KCNH1: variants seen among roughly 807,000 people sequenced by gnomAD.
KCNH1 encodes the protein voltage-gated delayed rectifier potassium channel KCNH1.
In KCNH1, 27 loss-of-function variants were observed where a neutral mutation model predicts 69.2. The observed-to-expected ratio is 0.39, with a 90% CI of 0.29 to 0.54. The LOEUF (loss-of-function observed/expected upper bound fraction) is 0.54. Ranked by LOEUF, KCNH1 falls within the 20% of genes least tolerant of loss-of-function variation. The probability of loss-of-function intolerance (pLI) is 0.68; values close to 1 mark genes in which losing one functional copy is unlikely to be tolerated. For missense variants in KCNH1, 798 were observed against 1,261.6 expected (o/e 0.63, Z 5.57); for synonymous variants, 456 against 487.7 (o/e 0.93, Z 0.86).
At chr1:210,931,930 AC>A (rs1687687727) in intron 6 of KCNH1, among the ~76,000 whole-genome samples, 1 of 151,984 alleles carries the variant, frequency 6.6e-6, no homozygotes, top group Admixed American at 6.5e-5. Flanking sequence ...TCTTGAAGTA[AC>A]CCAGAAGACA....
chr1:210,918,326 G>A (rs1282084235), intron 7 of KCNH1, among the ~76,000 whole-genome samples: 5 of 152,128 alleles, frequency 3.3e-5, no homozygotes, highest in Non-Finnish European at 5.9e-5. Context: ...AAACAAGAAC[G>A]CAAGAGTCTT....
chr1:210,723,822 G>C (rs143278981), intron 10 of KCNH1, among the ~76,000 whole-genome samples: 275 of 152,318 alleles, frequency 1.8e-3, no homozygotes, highest in African/African-American at 6.3e-3. Flanking sequence ...GTTGAAGCAT[G>C]GTTGGGCAGC....
chr1:210,986,577 A>C (rs1230651650), intron 6 of KCNH1, among the ~76,000 whole-genome samples: 3 of 152,264 alleles, frequency 2.0e-5, no homozygotes, highest in South Asian at 4.1e-4. Flanking sequence ...TTCTTGGTTG[A>C]AAATTCTTTT....
At chr1:210,953,483 C>G (rs942366490) in intron 6 of KCNH1, among the ~76,000 whole-genome samples, 3 of 152,206 alleles carry the variant, frequency 2.0e-5, no homozygotes, top group African/African-American at 7.2e-5. Flanking sequence ...TGAAAACTCT[C>G]TCTTGGTTTT....
intron 5 of KCNH1, among the ~76,000 whole-genome samples, chr1:211,036,535 GA>G (rs1689902069): frequency 6.6e-6 from 1 of 152,190 alleles, no homozygotes; most frequent in Non-Finnish European, 1.5e-5. Context: ...TAACTATCTG[GA>G]AAGAGGTTAG....
intron 6 of KCNH1, among the ~76,000 whole-genome samples, chr1:210,959,811 T>C (rs1026679091): frequency 6.6e-6 from 1 of 152,230 alleles, no homozygotes; most frequent in Non-Finnish European, 1.5e-5. Flanking sequence ...GGACAGTCTG[T>C]CATGGCTTCC....
At chr1:210,782,137 C>A (rs542733548) in intron 9 of KCNH1, among the ~76,000 whole-genome samples, 206 of 152,282 alleles carry the variant, frequency 1.4e-3, no homozygotes, top group Non-Finnish European at 2.4e-3. Context: ...TGGAAACACC[C>A]ATCGTAATTG....
intron 6 of KCNH1, among the ~76,000 whole-genome samples, chr1:210,963,807 T>C (rs1362070643): frequency 5.9e-5 from 9 of 152,128 alleles, no homozygotes; most frequent in African/African-American, 1.9e-4. Flanking sequence ...AGACCAAACC[T>C]ACATTTGATT....
chr1:211,015,263 A>C (rs1175394966), intron 6 of KCNH1, among the ~76,000 whole-genome samples: 3 of 152,116 alleles, frequency 2.0e-5, no homozygotes, highest in Admixed American at 6.5e-5. Flanking sequence ...GTCAGTTTTG[A>C]CTCAACTGTC....
At chr1:210,944,123 C>T (rs1335970838) in intron 6 of KCNH1, among the ~76,000 whole-genome samples, 4 of 152,168 alleles carry the variant, frequency 2.6e-5, no homozygotes, top group African/African-American at 4.8e-5. Flanking sequence ...TGGCCTAGCT[C>T]GGGTCACTCT....
chr1:210,882,952 A>G (rs1686528087), intron 7 of KCNH1, among the ~76,000 whole-genome samples: 1 of 152,224 alleles, frequency 6.6e-6, no homozygotes, highest in Non-Finnish European at 1.5e-5. Context: ...ACTGTGAAAA[A>G]GACTGTGAAG....
chr1:210,733,949 T>TCACACACACA (rs142236390), intron 10 of KCNH1, among the ~76,000 whole-genome samples: 10 of 80,492 alleles, frequency 1.2e-4, no homozygotes, highest in Middle Eastern at 5.8e-3. Context: ...TCTGTCTGTC[T>TCACACACACA]CACACACACA....
chr1:210,828,880 T>A (rs1385611473), intron 7 of KCNH1, among the ~76,000 whole-genome samples: 1 of 152,158 alleles, frequency 6.6e-6, no homozygotes, highest in Non-Finnish European at 1.5e-5. Context: ...CAGAAATAAT[T>A]TGCAATGACT....
At chr1:210,875,376 T>C (rs975811160) in intron 7 of KCNH1, among the ~76,000 whole-genome samples, 6 of 152,042 alleles carry the variant, frequency 3.9e-5, no homozygotes, top group Admixed American at 1.3e-4. Context: ...GATTAGAAAA[T>C]GAGTTAAAAT....
chr1:211,103,742 C>CA, intron 2 of KCNH1, 140 bp from the exon 3 acceptor site: 2 of 576,254 alleles, frequency 3.5e-6, no homozygotes, highest in Non-Finnish European at 6.0e-6. Flanking sequence ...ATCACTGACT[C>CA]AAAAAAATTT....
At chr1:211,075,474 A>G (rs532668259) in intron 5 of KCNH1, among the ~76,000 whole-genome samples, 2 of 152,344 alleles carry the variant, frequency 1.3e-5, no homozygotes, top group South Asian at 4.1e-4. Context: ...TGGATCAAGG[A>G]CTGACCAGCC....
chr1:210,988,146 G>A (rs1343521044), intron 6 of KCNH1, among the ~76,000 whole-genome samples: 2 of 152,158 alleles, frequency 1.3e-5, no homozygotes, highest in Admixed American at 1.3e-4. Context: ...GCAGTATTAG[G>A]GTGGGAGTGA....
intron 5 of KCNH1, among the ~76,000 whole-genome samples, chr1:211,076,247 T>G (rs992323305): frequency 6.6e-6 from 1 of 152,194 alleles, no homozygotes. Flanking sequence ...CCCAGCACAG[T>G]GTTTGACCTC....
At chr1:210,775,091 A>G (rs1339199979) in intron 10 of KCNH1, among the ~76,000 whole-genome samples, 1 of 152,124 alleles carries the variant, frequency 6.6e-6, no homozygotes, top group Non-Finnish European at 1.5e-5. Flanking sequence ...GGGGGAAAAA[A>G]AAGCCACCTC....
Sources: gnomAD v4.1 joint callset for allele counts (sites outside exome capture counted in the v4.1 genomes callset) on GRCh38, gnomAD v4.1.1 for gene constraint, MANE v1.5 for transcripts, NCBI Gene and HGNC (gene_info 2026-07-23, HGNC 2026-07-21) for gene names.